The following PACSIN2 variants were observed in gnomAD, a reference collection of about 807,000 sequenced individuals.
PACSIN2 encodes protein kinase C and casein kinase substrate in neurons protein 2.
A neutral mutation model predicts 63.8 loss-of-function variants in PACSIN2; 25 were observed. The ratio of observed to expected loss-of-function variants is 0.39; its 90% confidence interval spans 0.29 to 0.55. The LOEUF is 0.55. PACSIN2 is among the 20% of genes least tolerant of loss of function. PACSIN2 has a pLI of 0.62. For synonymous variants in PACSIN2, 255 were observed against 256.2 expected (o/e 1.00, Z 0.05); for missense variants, 518 against 646.9 (o/e 0.80, Z 2.16).
At chr22:42,992,748 T>C (rs975855131) in intron 1 of PACSIN2, among the ~76,000 whole-genome samples, 24 of 152,248 alleles carry the variant, frequency 1.6e-4, no homozygotes, top group African/African-American at 5.5e-4. Flanking sequence ...AATGAACAAA[T>C]TGTAGCATGC....
chr22:42,934,486 C>G lies in PACSIN2; in HGVS notation c.-77-22329G>C, dbSNP rs116243943. On this transcript the variant is annotated intron_variant, in intron 1 of 10. Transcript: ENST00000263246. ...AATGTGGCAGCTGCACACAGAACAC[C>G]TCCTGGGGCCTCCCCACTCTGGCTT... 5.0e-3 allele frequency among the ~76,000 whole-genome samples: 763 copies of G among 152,364 alleles called. 8 individuals are homozygous for G. The highest frequency in any genetic ancestry group is 0.018 in the African/African-American group (736 of 41,582).
chr22:42,898,499 G>GA (rs1480046338), intron 2 of PACSIN2, among the ~76,000 whole-genome samples: 1 of 151,996 alleles, frequency 6.6e-6, no homozygotes, highest in Non-Finnish European at 1.5e-5. Context: ...TCAAACTCCC[G>GA]AACTCAGGTG....
intron 1 of PACSIN2, among the ~76,000 whole-genome samples, chr22:42,968,640 T>C (rs1229321589): frequency 4.6e-5 from 7 of 152,088 alleles, no homozygotes; most frequent in Non-Finnish European, 8.8e-5. Flanking sequence ...GACTAGCACA[T>C]TAGTGTGAGT....
chr22:43,005,791 T>C (rs960575171), intron 1 of PACSIN2, among the ~76,000 whole-genome samples: 4 of 152,076 alleles, frequency 2.6e-5, no homozygotes, highest in South Asian at 2.1e-4. Flanking sequence ...GCCAAAATCC[T>C]ATGAGGAAGG....
At chr22:42,998,404 C>T (rs1047179388) in intron 1 of PACSIN2, among the ~76,000 whole-genome samples, 15 of 152,172 alleles carry the variant, frequency 9.9e-5, no homozygotes, top group South Asian at 2.1e-4. Context: ...CATGCCCTGA[C>T]GCATGACTCG....
At chr22:42,954,385 A>G (rs1168124566) in intron 1 of PACSIN2, among the ~76,000 whole-genome samples, 1 of 152,188 alleles carries the variant, frequency 6.6e-6, no homozygotes, top group African/African-American at 2.4e-5. Context: ...AAAAGTAGTT[A>G]GTCCAAGTGA....
At chr22:43,011,183 T>A (rs1435320334) in intron 1 of PACSIN2, among the ~76,000 whole-genome samples, 1 of 152,188 alleles carries the variant, frequency 6.6e-6, no homozygotes, top group Non-Finnish European at 1.5e-5. Context: ...GCCCTGGCCA[T>A]AAGGAAAGAC....
At chr22:42,932,433 T>C (rs1236911239) in intron 1 of PACSIN2, among the ~76,000 whole-genome samples, 1 of 152,212 alleles carries the variant, frequency 6.6e-6, no homozygotes, top group Non-Finnish European at 1.5e-5. Flanking sequence ...CTTTCCCCTC[T>C]AGACAGTGAA....
chr22:42,958,982 C>T (rs1934026218), intron 1 of PACSIN2, among the ~76,000 whole-genome samples: 1 of 152,148 alleles, frequency 6.6e-6, no homozygotes, highest in South Asian at 2.1e-4. Context: ...TGAATACGTA[C>T]ATAAGGCTGC....
At chr22:42,904,954 AC>A (rs1569249860) in intron 2 of PACSIN2, among the ~76,000 whole-genome samples, 1 of 152,158 alleles carries the variant, frequency 6.6e-6, no homozygotes, top group African/African-American at 2.4e-5. Context: ...TCTAATGAGC[AC>A]TACGGACCCC....
chr22:43,012,123 G>A (rs757031165), intron 1 of PACSIN2, among the ~76,000 whole-genome samples: 21 of 151,528 alleles, frequency 1.4e-4, no homozygotes, highest in Non-Finnish European at 2.5e-4. Context: ...CAGCCCGGGC[G>A]ACAGAGCGAG....
intron 7 of PACSIN2, among the ~76,000 whole-genome samples, chr22:42,881,387 C>A (rs564592051): frequency 6.6e-6 from 1 of 152,296 alleles, no homozygotes; most frequent in East Asian, 1.9e-4. Flanking sequence ...CTCAGCTTCC[C>A]ACAGGTGGTC....
chr22:42,901,923 C>T (rs117301643), intron 2 of PACSIN2, among the ~76,000 whole-genome samples: 5,296 of 152,288 alleles, frequency 0.035, 121 homozygotes, highest in Non-Finnish European at 0.052. Context: ...CGCCCCTGGC[C>T]CTTCCTCTCC....
chr22:42,882,108 AAGACATC>A (rs986661223), intron 7 of PACSIN2, 69 bp downstream of exon 7: 9 of 1,521,362 alleles, frequency 5.9e-6, no homozygotes, highest in Non-Finnish European at 8.2e-6. Context: ...TAGAATGAGA[AAGACATC>A]ATCTAGCAAC....
At chr22:42,976,150 C>T (rs957809762) in intron 1 of PACSIN2, among the ~76,000 whole-genome samples, 5 of 152,228 alleles carry the variant, frequency 3.3e-5, no homozygotes, top group Admixed American at 3.3e-4. Context: ...GCTAATTCTT[C>T]ACCTAGAGGG....
At chr22:42,893,335 T>C in intron 3 of PACSIN2, 122 bp downstream of exon 3, 1 of 1,007,856 alleles carries the variant, frequency 9.9e-7, no homozygotes, top group Non-Finnish European at 1.5e-6. Flanking sequence ...AACTGGGAAA[T>C]GCACTCTTGC....
At chr22:42,922,749 C>A (rs567044596) in intron 1 of PACSIN2, among the ~76,000 whole-genome samples, 1 of 152,248 alleles carries the variant, frequency 6.6e-6, no homozygotes. Context: ...GCCAGGCACT[C>A]TTCTAAGCTG....
chr22:42,876,315 C>A lies in PACSIN2; in HGVS notation c.1170G>T (p.Lys390Asn). 6.2e-7 allele frequency: 1 copy of A among 1,613,988 alleles called. No homozygotes were observed. The highest frequency in any genetic ancestry group is 8.5e-7 in the Non-Finnish European group (1 of 1,179,868). The change falls in exon 10 of 11, where the codon AAG (lysine) becomes AAT (asparagine). Residue 390 changes from lysine to asparagine, a missense_variant. Transcript: ENST00000263246. ...ACCAGTCGGTGGGATAGCTCTGGGT[C>A]TTCTCGTAGCTGCTCACACTGCAAG... ...TKAKNVSSYE[K>N]TQSYPTDWSD...
intron 4 of PACSIN2, among the ~76,000 whole-genome samples, chr22:42,889,839 A>G (rs1929773498): frequency 6.6e-6 from 1 of 152,158 alleles, no homozygotes; most frequent in Non-Finnish European, 1.5e-5. Flanking sequence ...AACAGGTATC[A>G]ATGTTTGAAA....
Sources: gnomAD v4.1 joint callset for allele counts (sites outside exome capture counted in the v4.1 genomes callset) on GRCh38, gnomAD v4.1.1 for gene constraint, MANE v1.5 for transcripts, NCBI Gene and HGNC (gene_info 2026-07-23, HGNC 2026-07-21) for gene names.